The following R3HCC1L variants were observed in gnomAD, a reference collection of about 807,000 sequenced individuals.
R3HCC1L encodes the protein R3H domain and coiled-coil containing 1 like, also known as coiled-coil domain-containing protein R3HCC1L.
In R3HCC1L, 51 loss-of-function variants were observed where a neutral mutation model predicts 59.9. The observed-to-expected ratio is 0.85, with a 90% CI of 0.68 to 1.07. R3HCC1L has a LOEUF of 1.07. Among genes scored for constraint, R3HCC1L ranks in the 50% least tolerant of loss-of-function variants. R3HCC1L has a pLI of 0.00. For missense variants in R3HCC1L, 965 were observed against 933.0 expected, an observed-to-expected ratio of 1.03 and a Z score of -0.45; for synonymous variants, 322 against 315.2, an observed-to-expected ratio of 1.02 and a Z score of -0.23.
chr10:98,171,815 G>C (rs912804286), intron 4 of R3HCC1L, among the ~76,000 whole-genome samples: 6 of 152,132 alleles, frequency 3.9e-5, no homozygotes, highest in Non-Finnish European at 8.8e-5. Context: ...GTTGCTGTCT[G>C]AGAGCTCAGG....
At chr10:98,153,819 A>G (rs1846538862) in intron 1 of R3HCC1L, among the ~76,000 whole-genome samples, 1 of 147,504 alleles carries the variant, frequency 6.8e-6, no homozygotes, top group East Asian at 2.0e-4. Flanking sequence ...AAAAAAAAAA[A>G]GAAATTCCAG....
chr10:98,159,935 AGAG>A (rs1225801054), intron 2 of R3HCC1L, among the ~76,000 whole-genome samples: 5 of 152,214 alleles, frequency 3.3e-5, no homozygotes, highest in Non-Finnish European at 7.3e-5. Flanking sequence ...GGTATATGTG[AGAG>A]GAGGAAATGT....
intron 4 of R3HCC1L, among the ~76,000 whole-genome samples, chr10:98,181,944 G>A (rs1423262037): frequency 3.3e-5 from 5 of 152,020 alleles, no homozygotes; most frequent in Admixed American, 6.6e-5. Flanking sequence ...GCTTCCTTGT[G>A]ATGGGTTCAA....
In R3HCC1L at chr10:98,139,581, G is replaced by A. The variant is rs139576314; in HGVS notation, c.-268+4875G>A. ...ATCCAGTAATGAGCCCAGCAGGATG[G>A]ATGAAGCTTGGGGAACTCCTAAGAG... On this transcript the variant is annotated intron_variant, in intron 1 of 9. Transcript: ENST00000298999. Among the ~76,000 whole-genome samples, 1,120 of 152,312 alleles carry A rather than the reference G, an allele frequency of 7.4e-3. 10 individuals carry two copies. The highest frequency in any genetic ancestry group is 0.012 in the Non-Finnish European group (840 of 68,038).
At chr10:98,191,480 T>C (rs1209120466) in intron 4 of R3HCC1L, among the ~76,000 whole-genome samples, 1 of 152,230 alleles carries the variant, frequency 6.6e-6, no homozygotes, top group African/African-American at 2.4e-5. Context: ...TCATATCCTT[T>C]GCCCGCTTTT....
Position 98,208,592 on chromosome 10 carries a change from A to C in R3HCC1L, c.478A>C (p.Arg160=), listed in dbSNP as rs183340020. ...VETTDVTGHE[R]ILLSQACLEI... Reference sequence around the variant, plus strand: ...AACTACGGATGTGACAGGACATGAGAGGATACTTCTTTCACAGGCCTGTTT... The same window carrying C: ...AACTACGGATGTGACAGGACATGAGCGGATACTTCTTTCACAGGCCTGTTT... Residue 160 remains arginine, a synonymous_variant, in exon 5 of 10, where the codon AGG becomes CGG. Coordinates refer to ENST00000298999, the MANE Select transcript of R3HCC1L (RefSeq NM_001351015.2). 5.0e-6 allele frequency: 8 copies of C among 1,614,134 alleles called. No individual in the cohort carries two copies. In the Admixed American group the frequency reaches 5.0e-5, roughly 10 times the overall value.
At chr10:98,211,120 T>C (rs1180540928) in intron 5 of R3HCC1L, among the ~76,000 whole-genome samples, 2 of 152,158 alleles carry the variant, frequency 1.3e-5, no homozygotes, top group Non-Finnish European at 2.9e-5. Context: ...TGAGCATCCA[T>C]GAGCCCCTTG....
intron 4 of R3HCC1L, among the ~76,000 whole-genome samples, chr10:98,202,589 C>CA (rs1296538358): frequency 6.6e-6 from 1 of 152,140 alleles, no homozygotes; most frequent in Non-Finnish European, 1.5e-5. Context: ...CGCGGTGGCT[C>CA]ACGCTTGTAA....
intron 9 of R3HCC1L, among the ~76,000 whole-genome samples, chr10:98,238,696 T>G (rs577083751): frequency 2.0e-5 from 3 of 152,292 alleles, no homozygotes; most frequent in African/African-American, 7.2e-5. Context: ...TCTGTAATAC[T>G]GTAATCCCCC....
At chr10:98,166,867 G>T (rs191854437) in intron 4 of R3HCC1L, among the ~76,000 whole-genome samples, 1 of 152,032 alleles carries the variant, frequency 6.6e-6, no homozygotes, top group East Asian at 1.9e-4. Context: ...GGGTTTCACC[G>T]TGTTAGCCAG....
intron 5 of R3HCC1L, among the ~76,000 whole-genome samples, chr10:98,219,898 C>T (rs1448340257): frequency 2.0e-5 from 3 of 152,262 alleles, no homozygotes; most frequent in East Asian, 3.9e-4. Context: ...AATCTTTGAG[C>T]TTCCTATATT....
intron 1 of R3HCC1L, among the ~76,000 whole-genome samples, chr10:98,139,362 A>G (rs1053195825): frequency 1.3e-5 from 2 of 152,218 alleles, no homozygotes; most frequent in Non-Finnish European, 2.9e-5. Flanking sequence ...GATCTTTGAC[A>G]ACCCCAGTAA....
At chr10:98,181,854 A>G (rs772149864) in intron 4 of R3HCC1L, among the ~76,000 whole-genome samples, 2 of 152,166 alleles carry the variant, frequency 1.3e-5, no homozygotes, top group African/African-American at 2.4e-5. Context: ...CATGGTTTTC[A>G]GCTCCATCAG....
At chr10:98,162,472 T>A (rs1043211748) in intron 2 of R3HCC1L, among the ~76,000 whole-genome samples, 2 of 152,228 alleles carry the variant, frequency 1.3e-5, no homozygotes, top group Admixed American at 1.3e-4. Context: ...TGCTCTTTTT[T>A]AATATTTGCC....
At chr10:98,152,073 C>G (rs1489916965) in intron 1 of R3HCC1L, among the ~76,000 whole-genome samples, 1 of 152,230 alleles carries the variant, frequency 6.6e-6, no homozygotes, top group Admixed American at 6.5e-5. Flanking sequence ...CTGCCTCAGC[C>G]TGCCGAGTGC....
chr10:98,166,212 C>T (rs989669628), intron 4 of R3HCC1L, among the ~76,000 whole-genome samples: 1 of 152,148 alleles, frequency 6.6e-6, no homozygotes, highest in African/African-American at 2.4e-5. Flanking sequence ...AGGGAGCTAG[C>T]TTGCTCTGTT....
At chr10:98,212,772 TA>T (rs1303548753) in intron 5 of R3HCC1L, among the ~76,000 whole-genome samples, 2 of 152,198 alleles carry the variant, frequency 1.3e-5, no homozygotes, top group Non-Finnish European at 2.9e-5. Context: ...ACCAAGAACA[TA>T]ACATTGATGT....
Position 98,209,214 on chromosome 10 carries a change from A to C in R3HCC1L, c.1100A>C (p.Asn367Thr). The change falls in exon 5 of 10, where the codon AAT becomes ACT. Residue 367 changes from asparagine (N) to threonine (T), a missense_variant. Physicochemically the swap from Asn to Thr is moderately conservative, Grantham distance 65. Coordinates refer to ENST00000298999, the MANE Select transcript of R3HCC1L (RefSeq NM_001351015.2). ...HETHRDSGFK[N>T]VGDITNKACM... ...ACACATAGAGATAGTGGATTTAAGA[A>C]TGTAGGTGACATTACCAATAAAGCA... is the stretch of plus-strand genomic sequence containing the variant. The C allele has an allele frequency of 6.2e-7, 1 of 1,613,872 alleles. No homozygotes were observed. Among genetic ancestry groups the C allele is most frequent in the Admixed American group, 1.7e-5 (1 of 60,016 alleles).
Position 98,236,012 on chromosome 10 carries a change from T to C in R3HCC1L, c.2129-12T>C. On this transcript the variant is annotated splice_polypyrimidine_tract_variant and intron_variant, in intron 8 of 9. Coordinates refer to ENST00000298999, the MANE Select transcript of R3HCC1L (RefSeq NM_001351015.2). ...TTGACTCCTTCCTACTCCCTTCCTT[T>C]CTTCGATTCAGAGTTCCTCCAGCCA... 1 of 1,611,092 alleles carries C rather than the reference T, an allele frequency of 6.2e-7. No homozygotes were observed. Among genetic ancestry groups the C allele is most frequent in the Non-Finnish European group, 8.5e-7 (1 of 1,177,936 alleles).
Sources: gnomAD v4.1 joint callset for allele counts (sites outside exome capture counted in the v4.1 genomes callset) on GRCh38, gnomAD v4.1.1 for gene constraint, MANE v1.5 for transcripts, NCBI Gene and HGNC (gene_info 2026-07-23, HGNC 2026-07-21) for gene names.